The following PEPD variants were observed in gnomAD, a reference collection of about 807,000 sequenced individuals.
PEPD encodes the protein xaa-Pro dipeptidase.
A neutral mutation model predicts 60.7 loss-of-function variants in PEPD; 53 were observed. That is an observed-to-expected ratio of 0.87 (90% CI 0.70 to 1.10). The LOEUF is 1.10. Ranked by LOEUF, PEPD falls within the 50% of genes least tolerant of loss-of-function variation. PEPD has a pLI of 0.00. For synonymous variants in PEPD, 267 were observed against 284.1 expected, an observed-to-expected ratio of 0.94 and a Z score of 0.60; for missense variants, 711 against 711.9, an observed-to-expected ratio of 1.00 and a Z score of 0.01.
intron 7 of PEPD, among the ~76,000 whole-genome samples, chr19:33,468,090 T>A (rs761226410): frequency 9.9e-5 from 15 of 152,130 alleles, no homozygotes; most frequent in Non-Finnish European, 1.9e-4. Context: ...CCCTTTCGGT[T>A]TGGGGCTGGC....
At chr19:33,391,505 A>AGCCACAGAGCCCAGCAGCCAAC in intron 12 of PEPD, 26 bp from the exon 13 acceptor site, 1 of 1,544,360 alleles carries the variant, frequency 6.5e-7, no homozygotes, top group Non-Finnish European at 8.7e-7. Context: ...AGCTGCCGTG[A>AGCCACAGAGCCCAGCAGCCAAC]GCCACAGAGC....
chr19:33,512,732 G>A lies in PEPD; in HGVS notation c.62C>T (p.Ala21Val), dbSNP rs199711203. The A allele has an allele frequency of 1.0e-4, 167 of 1,614,008 alleles. No homozygotes were observed. Among genetic ancestry groups the A allele is most frequent in the Middle Eastern group, 6.6e-4 (4 of 6,062 alleles). ...LGNETLKVPLALFALNRQRLC... is the reference protein window; with the variant it reads ...LGNETLKVPLVLFALNRQRLC... ...GCGCTGCCGGTTCAAGGCAAAGAGCGCCAGCGGCACCTTCAGGGTTTCATT... is the reference window on the plus strand; with the variant it reads ...GCGCTGCCGGTTCAAGGCAAAGAGCACCAGCGGCACCTTCAGGGTTTCATT... The change falls in exon 2 of 15, where the codon GCG becomes GTG. Residue 21 changes from alanine to valine, a missense_variant. By Grantham distance (64) the Ala-to-Val change is moderately conservative (BLOSUM62 0). Transcript: ENST00000244137.
chr19:33,466,555 A>G (rs1260347873), intron 7 of PEPD, among the ~76,000 whole-genome samples: 1 of 152,216 alleles, frequency 6.6e-6, no homozygotes, highest in Non-Finnish European at 1.5e-5. Flanking sequence ...GCGAACAACC[A>G]TACAAATCCA....
chr19:33,419,005 T>C (rs188801199), intron 9 of PEPD, among the ~76,000 whole-genome samples: 103 of 152,266 alleles, frequency 6.8e-4, no homozygotes, highest in African/African-American at 2.5e-3. Context: ...GATGCGGTGC[T>C]CGGCTTCAGC....
chr19:33,506,019 C>T (rs1028637196), intron 3 of PEPD, among the ~76,000 whole-genome samples: 1 of 148,838 alleles, frequency 6.7e-6, no homozygotes, highest in Non-Finnish European at 1.5e-5. Context: ...TCATCATACC[C>T]TACACACTAC....
chr19:33,387,772 C>G (rs1205637012), intron 14 of PEPD, 118 bp downstream of exon 14: 2 of 922,256 alleles, frequency 2.2e-6, no homozygotes, highest in East Asian at 2.6e-5. Flanking sequence ...AAGGGGCAGG[C>G]TAAGCCCACC....
At chr19:33,445,260 T>C (rs1421663185) in intron 9 of PEPD, among the ~76,000 whole-genome samples, 3 of 152,216 alleles carry the variant, frequency 2.0e-5, no homozygotes, top group Non-Finnish European at 4.4e-5. Context: ...TGAATCAGCA[T>C]GTATGAACCT....
Position 33,478,137 on chromosome 19 carries a change from T to C in PEPD, c.504-47A>G, listed in dbSNP as rs145109685. ...AGCCCATTAATCCAACGGTCTGTCA[T>C]GTCCCAGCAAGAACTACCTCATTCA... On this transcript the variant is annotated intron_variant, in intron 6 of 14. Coordinates refer to ENST00000244137, the MANE Select transcript of PEPD (RefSeq NM_000285.4). The C allele has an allele frequency of 4.4e-6, 6 of 1,355,656 alleles. No homozygotes were observed. In the South Asian group the frequency reaches 6.1e-5, roughly 14 times the overall value. The allele number at this position is 1,355,656 out of a possible 1,614,324, so 84.0% of individuals were successfully genotyped here. A position where few individuals can be genotyped will look rare whatever the true frequency, so the allele number is the denominator to read the frequency against.
chr19:33,449,038 C>T (rs763431519), intron 9 of PEPD, among the ~76,000 whole-genome samples: 14 of 152,154 alleles, frequency 9.2e-5, no homozygotes, highest in East Asian at 1.9e-4. Context: ...AAGACCCTGA[C>T]GGGACAGAGG....
chr19:33,519,593 G>A (rs1452328885), intron 1 of PEPD, among the ~76,000 whole-genome samples: 1 of 152,202 alleles, frequency 6.6e-6, no homozygotes, highest in Non-Finnish European at 1.5e-5. Flanking sequence ...GTCAACCTCA[G>A]GCTCAAAGTA....
Position 33,507,511 on chromosome 19 carries a change from A to G in PEPD, c.329+3517T>C, listed in dbSNP as rs551930476. ...CTGACAACAGCAAGACCGTTTCCAC[A>G]GGAAGCGGCAGATCCTGCAGACGGG... On this transcript the variant is annotated intron_variant, in intron 3 of 14. Transcript: ENST00000244137. Among the ~76,000 whole-genome samples, 8 of 152,268 alleles carry G rather than the reference A, an allele frequency of 5.3e-5. No homozygotes were observed. The South Asian group carries it at 1.7e-3, about 32-fold the overall frequency.
intron 11 of PEPD, among the ~76,000 whole-genome samples, chr19:33,409,169 G>C (rs1968707575): frequency 6.6e-6 from 1 of 152,222 alleles, no homozygotes; most frequent in Non-Finnish European, 1.5e-5. Context: ...GGGTCATAAA[G>C]GAGCAGTCAC....
chr19:33,434,406 C>T (rs1304408777), intron 9 of PEPD, among the ~76,000 whole-genome samples: 1 of 152,142 alleles, frequency 6.6e-6, no homozygotes, highest in African/African-American at 2.4e-5. Context: ...GTTCTAGCAT[C>T]TCTGTTTTCT....
intron 11 of PEPD, among the ~76,000 whole-genome samples, chr19:33,408,448 C>T (rs1269515177): frequency 6.6e-6 from 1 of 152,216 alleles, no homozygotes; most frequent in Non-Finnish European, 1.5e-5. Context: ...AGCACAGCCT[C>T]GGTCAGTTCC....
At chr19:33,431,992 C>CAAAAAAAAAAAAAAA (rs906879187) in intron 9 of PEPD, among the ~76,000 whole-genome samples, 52 of 77,854 alleles carry the variant, frequency 6.7e-4, no homozygotes, top group African/African-American at 1.0e-3. Flanking sequence ...GACACCACCT[C>CAAAAAAAAAAAAAAA]AAAAAAAAAA....
At chr19:33,496,236 A>G (rs1198766900) in intron 4 of PEPD, among the ~76,000 whole-genome samples, 2 of 152,150 alleles carry the variant, frequency 1.3e-5, no homozygotes, top group Non-Finnish European at 2.9e-5. Context: ...GAGGAGCAGG[A>G]TAACAAATGT....
intron 13 of PEPD, 112 bp downstream of exon 13, chr19:33,391,183 C>G (rs1433706806): frequency 1.1e-6 from 1 of 879,470 alleles, no homozygotes; most frequent in African/African-American, 1.7e-5. Flanking sequence ...TGGGGCCCAT[C>G]CCTGCCATCC....
chr19:33,406,674 C>T (rs1434974455), intron 11 of PEPD, among the ~76,000 whole-genome samples: 3 of 152,192 alleles, frequency 2.0e-5, no homozygotes, highest in Admixed American at 2.0e-4. Flanking sequence ...AGGAGCTTGT[C>T]ACCCATGGGG....
At chr19:33,405,346 T>G (rs1291428571) in intron 11 of PEPD, among the ~76,000 whole-genome samples, 1 of 152,236 alleles carries the variant, frequency 6.6e-6, no homozygotes, top group African/African-American at 2.4e-5. Flanking sequence ...TGAGAGCCAC[T>G]TTGGACTTGG....
Sources: gnomAD v4.1 joint callset for allele counts (sites outside exome capture counted in the v4.1 genomes callset) on GRCh38, gnomAD v4.1.1 for gene constraint, MANE v1.5 for transcripts, NCBI Gene and HGNC (gene_info 2026-07-23, HGNC 2026-07-21) for gene names.